Variants in OSBPL8 observed in about 807,000 individuals in gnomAD.
OSBPL8 encodes the protein oxysterol-binding protein-related protein 8.
A neutral mutation model predicts 125.5 loss-of-function variants in OSBPL8; 59 were observed. The ratio of observed to expected loss-of-function variants is 0.47; its 90% confidence interval spans 0.38 to 0.58. The LOEUF (loss-of-function observed/expected upper bound fraction) is 0.58, where lower values mean the gene tolerates loss of function less well. OSBPL8 is among the 20% of genes least tolerant of loss of function. The pLI, the probability that OSBPL8 is intolerant of heterozygous loss-of-function variation, is 0.00. For missense variants in OSBPL8, 758 were observed against 1,047.8 expected (o/e 0.72, Z 3.82); for synonymous variants, 330 against 338.9 (o/e 0.97, Z 0.29).
chr12:76,362,937 A>T (rs534348684), intron 21 of OSBPL8, among the ~76,000 whole-genome samples: 1 of 152,162 alleles, frequency 6.6e-6, no homozygotes, highest in African/African-American at 2.4e-5. Context: ...CACAATTGCT[A>T]CAAAGAGAAT....
chr12:76,421,343 T>C (rs1869457860), intron 4 of OSBPL8, among the ~76,000 whole-genome samples: 1 of 152,058 alleles, frequency 6.6e-6, no homozygotes, highest in African/African-American at 2.4e-5. Context: ...AGAGCAACCA[T>C]GCTACACTAA....
intron 6 of OSBPL8, among the ~76,000 whole-genome samples, chr12:76,401,747 G>A (rs910958637): frequency 6.6e-6 from 1 of 152,064 alleles, no homozygotes; most frequent in Non-Finnish European, 1.5e-5. Context: ...GCAATTGGAA[G>A]TTTTGCTCTC....
intron 4 of OSBPL8, chr12:76,422,800 C>A (rs1869667009): frequency 7.1e-6 from 2 of 283,004 alleles, no homozygotes; most frequent in Non-Finnish European, 1.5e-5. Flanking sequence ...AGGAGAAGGA[C>A]CAAAGACTGT....
At chr12:76,450,801 C>A in intron 4 of OSBPL8, 50 bp downstream of exon 4, 2 of 1,511,682 alleles carry the variant, frequency 1.3e-6, no homozygotes, top group South Asian at 2.5e-5. Flanking sequence ...TTCTCCCCTC[C>A]AAAAACAAAA....
chr12:76,463,943 C>T (rs1210046799), intron 2 of OSBPL8, among the ~76,000 whole-genome samples: 1 of 152,132 alleles, frequency 6.6e-6, no homozygotes, highest in East Asian at 1.9e-4. Context: ...TGTATAGTAC[C>T]ATGTTGTATA....
At chr12:76,392,445 G>A (rs544109954) in intron 10 of OSBPL8, 136 bp downstream of exon 10, 14 of 681,358 alleles carry the variant, frequency 2.1e-5, no homozygotes, top group African/African-American at 3.6e-5. Context: ...ATTTTAAGCC[G>A]GTTCCTAGGC....
chr12:76,380,887 T>A (rs771709748), intron 15 of OSBPL8, among the ~76,000 whole-genome samples: 17 of 152,218 alleles, frequency 1.1e-4, no homozygotes. Flanking sequence ...ATATTTTTCA[T>A]AGATGCCTTT....
chr12:76,359,290 G>A (rs1017174638), intron 21 of OSBPL8, among the ~76,000 whole-genome samples: 1 of 151,872 alleles, frequency 6.6e-6, no homozygotes, highest in Non-Finnish European at 1.5e-5. Flanking sequence ...CCAGTAAAAC[G>A]GTTTATTTAC....
chr12:76,391,596 A>AATAG (rs1478715775), intron 10 of OSBPL8, among the ~76,000 whole-genome samples: 1 of 152,088 alleles, frequency 6.6e-6, no homozygotes, highest in African/African-American at 2.4e-5. Flanking sequence ...TAAATAAATA[A>AATAG]ATAGATAAGC....
chr12:76,536,778 T>C (rs1295753480), intron 1 of OSBPL8, among the ~76,000 whole-genome samples: 3 of 142,492 alleles, frequency 2.1e-5, no homozygotes, highest in Non-Finnish European at 4.5e-5. Context: ...ATGGCAAAAT[T>C]AGCATGCCTG....
At chr12:76,457,350 T>G (rs1245613519) in intron 3 of OSBPL8, among the ~76,000 whole-genome samples, 3 of 152,204 alleles carry the variant, frequency 2.0e-5, no homozygotes, top group Non-Finnish European at 4.4e-5. Context: ...TTTTGATAAA[T>G]TTTTACTTAT....
At chr12:76,512,733 T>C (rs146613366) in intron 1 of OSBPL8, among the ~76,000 whole-genome samples, 150 of 152,314 alleles carry the variant, frequency 9.8e-4, no homozygotes, top group African/African-American at 3.2e-3. Context: ...ATACTGATAG[T>C]AGTTTGATAG....
Position 76,489,587 on chromosome 12 carries a change from T to C in OSBPL8, c.-67-1969A>G, listed in dbSNP as rs940011867. Reference sequence around the variant, plus strand: ...CTGTTTACAGCATGGTTTACTAAAATTTTAAGCTCACTGTTGAGACTACTG... The same window carrying C: ...CTGTTTACAGCATGGTTTACTAAAACTTTAAGCTCACTGTTGAGACTACTG... On this transcript the variant is annotated intron_variant, in intron 1 of 23. Coordinates refer to ENST00000261183, the MANE Select transcript of OSBPL8 (RefSeq NM_020841.5). 2.0e-5 allele frequency among the ~76,000 whole-genome samples: 3 copies of C among 152,222 alleles called. No homozygotes were observed. The South Asian group carries it at 6.2e-4, about 32-fold the overall frequency.
intron 2 of OSBPL8, among the ~76,000 whole-genome samples, chr12:76,479,442 T>A (rs1044461678): frequency 1.3e-5 from 2 of 152,238 alleles, no homozygotes; most frequent in Admixed American, 1.3e-4. Context: ...CTAGTCATAA[T>A]CATTCTTTCC....
intron 4 of OSBPL8, among the ~76,000 whole-genome samples, chr12:76,424,051 A>C (rs1366797415): frequency 6.6e-6 from 1 of 152,040 alleles, no homozygotes; most frequent in East Asian, 1.9e-4. Flanking sequence ...CCCAGGCTAG[A>C]GTGCAGTGGC....
At chr12:76,533,205 T>G (rs900939080) in intron 1 of OSBPL8, among the ~76,000 whole-genome samples, 1 of 152,210 alleles carries the variant, frequency 6.6e-6, no homozygotes, top group Non-Finnish European at 1.5e-5. Flanking sequence ...ATGTGTTTCT[T>G]GCTAGGTTTT....
At chr12:76,527,521 C>T (rs901109472) in intron 1 of OSBPL8, among the ~76,000 whole-genome samples, 3 of 152,182 alleles carry the variant, frequency 2.0e-5, no homozygotes, top group African/African-American at 7.2e-5. Context: ...ATTAGAATTA[C>T]ATATCTTCCT....
chr12:76,492,248 A>G (rs1878796278), intron 1 of OSBPL8, among the ~76,000 whole-genome samples: 1 of 152,178 alleles, frequency 6.6e-6, no homozygotes, highest in South Asian at 2.1e-4. Flanking sequence ...CAGATATCTG[A>G]GGGAAGAGTC....
chr12:76,436,867 C>A (rs1871521847), intron 4 of OSBPL8, among the ~76,000 whole-genome samples: 1 of 152,168 alleles, frequency 6.6e-6, no homozygotes, highest in African/African-American at 2.4e-5. Flanking sequence ...TCTGTTTACT[C>A]ATTCCATTGT....
Sources: allele counts gnomAD v4.1 joint callset (sites outside exome capture counted in the v4.1 genomes callset), GRCh38; gene constraint gnomAD v4.1.1; transcripts MANE v1.5; gene names NCBI Gene and HGNC (gene_info 2026-07-23, HGNC 2026-07-21).